The following BGN variants were observed in gnomAD, a reference collection of about 807,000 sequenced individuals.
BGN encodes the protein biglycan.
BGN carries 6 observed loss-of-function variants against 20.0 expected under a neutral mutation model. The observed-to-expected ratio is 0.30, with a 90% CI of 0.16 to 0.59. The LOEUF is 0.59. Among genes scored for constraint, BGN ranks in the 20% least tolerant of loss-of-function variants. BGN has a pLI of 0.88. For missense variants in BGN, 292 were observed against 312.1 expected (o/e 0.94, Z 0.49); for synonymous variants, 146 against 134.6 (o/e 1.08, Z -0.59).
rs1189450483 is a variant in BGN, at chrX:153,509,394, C to T, written c.*949C>T. The T allele has an allele frequency of 1.2e-5, 1 of 82,012 alleles. No individual in the cohort carries two copies. The highest frequency in any genetic ancestry group is 2.5e-5 in the Non-Finnish European group (1 of 39,309). 6.8% of individuals were successfully genotyped at this position (82,012 alleles called of 1,213,427 possible). Reference sequence around the variant, plus strand: ...CCCGCGCAGATGACACCATCAACCGCCAGAGTCCCAGACACCGGTTTTCCT... The same window carrying T: ...CCCGCGCAGATGACACCATCAACCGTCAGAGTCCCAGACACCGGTTTTCCT... On this transcript the variant is annotated 3_prime_UTR_variant, in exon 8 of 8. Coordinates refer to ENST00000331595, the MANE Select transcript of BGN (RefSeq NM_001711.6).
intron 4 of BGN, 99 bp downstream of exon 4, chrX:153,506,175 A>G: frequency 1.1e-6 from 1 of 881,129 alleles, no homozygotes; most frequent in Non-Finnish European, 1.6e-6. Flanking sequence ...AAGAAAGAGT[A>G]TGGTGAGAAC....
Position 153,506,981 on chromosome X carries a change from C to T in BGN, c.770+58C>T, listed in dbSNP as rs1602984866. ...GCCAGAGTCCCTCAGTGCTGTGTGG[C>T]CCCTCGCGCCCAGCCCCCCATCCTT... On this transcript the variant is annotated intron_variant, in intron 6 of 7. Transcript: ENST00000331595. 3.3e-6 allele frequency: 4 copies of T among 1,206,159 alleles called. No individual in the cohort carries two copies. In the East Asian group the frequency reaches 8.9e-5, roughly 27 times the overall value.
chrX:153,508,572 C>T lies in BGN; in HGVS notation c.*127C>T, dbSNP rs1030332780. ...CTGCGTCCAACCCAGCCCCCCACCT[C>T]GGGTCCCTGACCCCAGCTCGATGCC... is the stretch of plus-strand genomic sequence containing the variant. On this transcript the variant is annotated 3_prime_UTR_variant, in exon 8 of 8. Transcript: ENST00000331595. 17 of 834,068 alleles carry T rather than the reference C, an allele frequency of 2.0e-5. No individual in the cohort carries two copies. The highest frequency in any genetic ancestry group is 6.2e-5 in the Admixed American group (2 of 32,471). The allele number at this position is 834,068 out of a possible 1,213,427, so 68.7% of individuals were successfully genotyped here. A position where few individuals can be genotyped will look rare whatever the true frequency, so the allele number is the denominator to read the frequency against.
At chrX:153,496,960 C>T (rs1260969823) in intron 1 of BGN, among the ~76,000 whole-genome samples, 1 of 72,280 alleles carries the variant, frequency 1.4e-5, no homozygotes, top group Non-Finnish European at 2.6e-5. Context: ...CCACCCCCCA[C>T]CCCCCACCCC....
intron 1 of BGN, among the ~76,000 whole-genome samples, chrX:153,500,674 C>T (rs187766036): frequency 6.8e-4 from 74 of 109,375 alleles, no homozygotes; most frequent in Middle Eastern, 9.6e-3. Context: ...TATGTGTATG[C>T]GTGTATACAG....
intron 1 of BGN, among the ~76,000 whole-genome samples, chrX:153,500,791 ATGTG>A (rs782690203): frequency 9.3e-6 from 1 of 107,627 alleles, no homozygotes; most frequent in Non-Finnish European, 1.9e-5. Context: ...ATGTGTGTGC[ATGTG>A]TGTATGTGTG....
chrX:153,506,998 C>G, intron 6 of BGN, 49 bp from the exon 7 acceptor site: 1 of 1,209,612 alleles, frequency 8.3e-7, no homozygotes, highest in Non-Finnish European at 1.1e-6. Flanking sequence ...CGCCCAGCCC[C>G]CCATCCTTAC....
chrX:153,496,948 G>GCCCCC (rs782676136), intron 1 of BGN, among the ~76,000 whole-genome samples: 1 of 57,190 alleles, frequency 1.7e-5, no homozygotes, highest in Non-Finnish European at 3.0e-5. Context: ...TGCTTCCCGG[G>GCCCCC]CCCACCCCCC....
rs2089796044 is a variant in BGN at position 153,505,810 on chromosome X, G to A, written c.352-53G>A. ...AGGCACAGGAAGGCAGGAGAGAGGG[G>A]CGGGTGGGGTGGGGAGTCTGTGCCT... On this transcript the variant is annotated intron_variant, in intron 3 of 7. Coordinates refer to ENST00000331595, the MANE Select transcript of BGN (RefSeq NM_001711.6). The A allele has an allele frequency of 8.5e-6, 9 of 1,053,722 alleles. No individual in the cohort carries two copies. In the Admixed American group the frequency reaches 2.1e-4, roughly 25 times the overall value. The allele number at this position is 1,053,722 out of a possible 1,213,427, so 86.8% of individuals were successfully genotyped here. A position where few individuals can be genotyped will look rare whatever the true frequency, so the allele number is the denominator to read the frequency against.
chrX:153,506,490 G>A, intron 4 of BGN, 39 bp from the exon 5 acceptor site: 1 of 1,161,119 alleles, frequency 8.6e-7, no homozygotes, highest in Middle Eastern at 2.5e-4. Flanking sequence ...GCTGTGCAGG[G>A]ACCACCAGGC....
chrX:153,497,734 G>A (rs914854694), intron 1 of BGN, among the ~76,000 whole-genome samples: 3 of 110,543 alleles, frequency 2.7e-5, no homozygotes, highest in South Asian at 3.8e-4. Flanking sequence ...TCCTCTGGAG[G>A]GGTGGGGCCT....
rs782677854 is a variant in BGN at position 153,506,012 on chromosome X, C to T, written c.501C>T (p.His167=). ...GCTCCCTGGTGGAGCTCCGCATCCA[C>T]GACAACCGCATCCGCAAGGTGCCCA... ...LPSSLVELRI[H]DNRIRKVPKG... is the part of the protein sequence containing the mutation. The change falls in exon 4 of 8, where the codon CAC becomes CAT. Residue 167 remains histidine (H), a synonymous_variant. Transcript: ENST00000331595. 23 of 1,210,413 alleles carry T rather than the reference C, an allele frequency of 1.9e-5. No homozygotes were observed. Among genetic ancestry groups the T allele is most frequent in the African/African-American group, 1.7e-4 (10 of 57,319 alleles).
intron 7 of BGN, among the ~76,000 whole-genome samples, chrX:153,507,688 C>T (rs1384360599): frequency 8.8e-6 from 1 of 113,579 alleles, no homozygotes; most frequent in African/African-American, 3.2e-5. Context: ...CCGCGCAGGC[C>T]ATGCCCATGC....
intron 1 of BGN, among the ~76,000 whole-genome samples, chrX:153,496,948 G>GCCCACCCCGCACCC (rs1556990885): frequency 3.3e-4 from 19 of 57,210 alleles, no homozygotes; most frequent in African/African-American, 1.5e-3. Flanking sequence ...TGCTTCCCGG[G>GCCCACCCCGCACCC]CCCACCCCCC....
intron 1 of BGN, among the ~76,000 whole-genome samples, chrX:153,502,102 C>T (rs781796923): frequency 1.4e-4 from 16 of 112,650 alleles, no homozygotes; most frequent in African/African-American, 2.6e-4. Context: ...CCCCTTGCCC[C>T]GGGGCAGGAG....
At position 153,508,819 on chromosome X, in the gene BGN, A is replaced by C; in HGVS notation, c.*374A>C. 1 of 243,150 alleles carries C rather than the reference A, an allele frequency of 4.1e-6. No individual in the cohort carries two copies. The highest frequency in any genetic ancestry group is 7.4e-6 in the Non-Finnish European group (1 of 135,862). The allele number at this position is 243,150 out of a possible 1,213,427, so 20.0% of individuals were successfully genotyped here. Reference sequence around the variant, plus strand: ...AGCAGCCAGGAGGCGGTCCATAAGAATGGGGACAGTGGGCTCTGCCAGGGC... The same window carrying C: ...AGCAGCCAGGAGGCGGTCCATAAGACTGGGGACAGTGGGCTCTGCCAGGGC... On this transcript the variant is annotated 3_prime_UTR_variant, in exon 8 of 8. Transcript: ENST00000331595.
Position 153,508,767 on chromosome X carries a change from C to T in BGN, c.*322C>T. On this transcript the variant is annotated 3_prime_UTR_variant, in exon 8 of 8. Transcript: ENST00000331595. ...TCCCAAACCCAAGTGTCCAAGGCTC[C>T]AGTCCTAGGAGAACAGTCCCTGGGT... 2.9e-6 allele frequency: 1 copy of T among 340,218 alleles called. No homozygotes were observed. Among genetic ancestry groups the T allele is most frequent in the Admixed American group, 5.1e-5 (1 of 19,675 alleles). The allele number at this position is 340,218 out of a possible 1,213,427, so 28.0% of individuals were successfully genotyped here.
chrX:153,503,368 G>T (rs941573981), intron 1 of BGN, among the ~76,000 whole-genome samples: 1 of 112,351 alleles, frequency 8.9e-6, no homozygotes, highest in Non-Finnish European at 1.9e-5. Flanking sequence ...TCTCCTGGGC[G>T]TGCGACTGCT....
At chrX:153,500,835 A>G (rs976737233) in intron 1 of BGN, among the ~76,000 whole-genome samples, 3 of 109,458 alleles carry the variant, frequency 2.7e-5, no homozygotes, top group African/African-American at 1.0e-4. Context: ...ACATGCATGC[A>G]TGTGCGCATG....
Sources: gnomAD v4.1 joint callset for allele counts (sites outside exome capture counted in the v4.1 genomes callset) on GRCh38, gnomAD v4.1.1 for gene constraint, MANE v1.5 for transcripts, NCBI Gene and HGNC (gene_info 2026-07-23, HGNC 2026-07-21) for gene names.